The following TENM2 variants were observed in gnomAD, a reference collection of about 807,000 sequenced individuals.
TENM2 encodes the protein teneurin transmembrane protein 2, also known as teneurin-2.
Under a neutral mutation model 245.2 loss-of-function variants are expected in TENM2, and 52 were observed. The observed-to-expected ratio is 0.21, with a 90% CI of 0.17 to 0.27. The LOEUF (loss-of-function observed/expected upper bound fraction) is 0.27. Among genes scored for constraint, TENM2 ranks in the 10% least tolerant of loss-of-function variants. The pLI, the probability that TENM2 is intolerant of heterozygous loss-of-function variation, is 1.00. For synonymous variants in TENM2, 1,363 were observed against 1,438.9 expected (o/e 0.95, Z 1.19); for missense variants, 3,046 against 3,666.8 (o/e 0.83, Z 4.37).
the TENM2 span, among the ~76,000 whole-genome samples, chr5:167,185,234 T>G: frequency 6.6e-6 from 1 of 152,158 alleles, no homozygotes; most frequent in African/African-American, 2.4e-5. Context: ...AGGGCCATAA[T>G]TAGGGCTTCT....
chr5:167,488,750 A>T (rs1041895897), intron 2 of TENM2, among the ~76,000 whole-genome samples: 1 of 151,854 alleles, frequency 6.6e-6, no homozygotes, highest in African/African-American at 2.4e-5. Flanking sequence ...CCTGATCTCC[A>T]GACTTAAATA....
At chr5:167,184,195 G>T in the TENM2 span, among the ~76,000 whole-genome samples, 1 of 152,262 alleles carries the variant, frequency 6.6e-6, no homozygotes, top group South Asian at 2.1e-4. Context: ...ATATATTTTT[G>T]AATCAGAAAA....
intron 1 of TENM2, among the ~76,000 whole-genome samples, chr5:167,314,028 AG>A (rs1205432698): frequency 8.5e-5 from 13 of 152,182 alleles, no homozygotes; most frequent in African/African-American, 3.1e-4. Flanking sequence ...CCGATACAAA[AG>A]GGTTATGTTT....
intron 5 of TENM2, among the ~76,000 whole-genome samples, chr5:168,009,615 G>C (rs1368932422): frequency 6.6e-6 from 1 of 152,116 alleles, no homozygotes; most frequent in Non-Finnish European, 1.5e-5. Flanking sequence ...CCGAAGTAAA[G>C]CATCAAATAG....
intron 25 of TENM2, among the ~76,000 whole-genome samples, chr5:168,229,208 A>AAATTAACTGTCCAAGGACACGAT (rs1764592447): frequency 1.3e-5 from 1 of 79,578 alleles, no homozygotes; most frequent in African/African-American, 1.8e-4. Context: ...CAGGGAAGCT[A>AAATTAACTGTCCAAGGACACGAT]AATTACCTGT....
rs771552777 is a variant in TENM2 at position 168,047,525 on chromosome 5, G to A, written c.1285G>A (p.Ala429Thr). 2.4e-5 allele frequency: 37 copies of A among 1,551,714 alleles called. No homozygotes were observed. The Middle Eastern group carries it at 8.3e-4, about 35-fold the overall frequency. ...CGGCTTACCAGGAAACGATGATGTGGCAACAATGCCATCTGGAGGCAAAGG... is the reference window on the plus strand; with the variant it reads ...CGGCTTACCAGGAAACGATGATGTGACAACAATGCCATCTGGAGGCAAAGG... The change falls in exon 6 of 29, where the codon GCA becomes ACA. Residue 429 changes from alanine to threonine, a missense_variant. Ala to Thr is a moderately conservative substitution (Grantham distance 58). Transcript: ENST00000518659.
At chr5:167,585,434 T>G (rs533566500) in intron 2 of TENM2, among the ~76,000 whole-genome samples, 2 of 152,326 alleles carry the variant, frequency 1.3e-5, no homozygotes, top group South Asian at 4.1e-4. Context: ...GAATACAGAT[T>G]GTCTGTTGAA....
the TENM2 span, among the ~76,000 whole-genome samples, chr5:167,160,293 G>T: frequency 2.0e-5 from 3 of 152,206 alleles, no homozygotes; most frequent in Non-Finnish European, 4.4e-5. Context: ...ACTCCTTTGC[G>T]TGGATTCTGG....
intron 2 of TENM2, among the ~76,000 whole-genome samples, chr5:167,782,594 T>C (rs555875077): frequency 1.1e-3 from 161 of 152,214 alleles, no homozygotes; most frequent in African/African-American, 3.7e-3. Context: ...CCGGCTTTAT[T>C]GTAAATGCAA....
At chr5:167,585,665 C>T (rs1374463463) in intron 2 of TENM2, among the ~76,000 whole-genome samples, 1 of 151,990 alleles carries the variant, frequency 6.6e-6, no homozygotes, top group African/African-American at 2.4e-5. Flanking sequence ...TACACAAAGA[C>T]ATAAACAACC....
At chr5:167,043,726 T>A in the TENM2 span, among the ~76,000 whole-genome samples, 35 of 152,254 alleles carry the variant, frequency 2.3e-4, no homozygotes, top group African/African-American at 8.4e-4. Context: ...GAAATACTGT[T>A]CTAAGCCGGG....
At chr5:168,171,211 C>T (rs1384047318) in intron 13 of TENM2, among the ~76,000 whole-genome samples, 1 of 152,244 alleles carries the variant, frequency 6.6e-6, no homozygotes, top group Non-Finnish European at 1.5e-5. Context: ...ATATCACACT[C>T]CTAAATTTTC....
intron 1 of TENM2, among the ~76,000 whole-genome samples, chr5:167,294,740 T>C (rs1754848025): frequency 6.6e-6 from 1 of 152,184 alleles, no homozygotes; most frequent in African/African-American, 2.4e-5. Flanking sequence ...TCTATTCACA[T>C]TTCAGTTTGC....
chr5:168,197,299 C>A (rs1341540810), intron 15 of TENM2, among the ~76,000 whole-genome samples: 2 of 152,146 alleles, frequency 1.3e-5, no homozygotes, highest in Admixed American at 1.3e-4. Flanking sequence ...TTGGATGAAA[C>A]CAGCGAGTCA....
At chr5:168,165,657 C>T (rs1299370963) in intron 13 of TENM2, among the ~76,000 whole-genome samples, 3 of 92,894 alleles carry the variant, frequency 3.2e-5, no homozygotes, top group South Asian at 4.5e-4. Flanking sequence ...AACCCCCCCC[C>T]CCCCCCCGGC....
At chr5:167,250,331 G>A in the TENM2 span, among the ~76,000 whole-genome samples, 28 of 151,474 alleles carry the variant, frequency 1.8e-4, no homozygotes, top group Non-Finnish European at 2.9e-4. Flanking sequence ...ATAAAAAGAC[G>A]AAAAAAACAG....
chr5:167,561,095 T>G (rs992709602), intron 2 of TENM2, among the ~76,000 whole-genome samples: 27 of 152,192 alleles, frequency 1.8e-4, no homozygotes. Flanking sequence ...CTTGAGGATT[T>G]AGGTACCTTG....
chr5:168,034,569 G>A (rs923096450), intron 5 of TENM2, among the ~76,000 whole-genome samples: 6 of 149,112 alleles, frequency 4.0e-5, no homozygotes, highest in East Asian at 4.0e-4. Context: ...CCCACCCCCC[G>A]CCATCTCTAC....
intron 2 of TENM2, among the ~76,000 whole-genome samples, chr5:167,872,544 G>GAA (rs1187752345): frequency 6.1e-5 from 3 of 48,810 alleles, no homozygotes; most frequent in African/African-American, 1.6e-4. Context: ...AAGAAAGAAA[G>GAA]AAAGAGAAAG....
Sources: allele counts gnomAD v4.1 joint callset (sites outside exome capture counted in the v4.1 genomes callset), GRCh38; gene constraint gnomAD v4.1.1; transcripts MANE v1.5; gene names NCBI Gene and HGNC (gene_info 2026-07-23, HGNC 2026-07-21).